Variants in TBX21 observed in about 807,000 individuals in gnomAD.
The protein encoded by TBX21 is T-box transcription factor 21, also known as T-box transcription factor TBX21.
TBX21 carries 11 observed loss-of-function variants against 52.2 expected under a neutral mutation model. That is an observed-to-expected ratio of 0.21 (90% CI 0.13 to 0.35). TBX21 has a LOEUF of 0.35. Among genes scored for constraint, TBX21 ranks in the 10% least tolerant of loss-of-function variants. The pLI is 1.00. For missense variants in TBX21, 625 were observed against 755.1 expected (o/e 0.83, Z 2.02); for synonymous variants, 300 against 316.1 (o/e 0.95, Z 0.54).
rs1597986976 is a variant in TBX21, at chr17:47,745,567, G to A, written c.*201G>A. The A allele has an allele frequency of 3.1e-6, 2 of 650,664 alleles. No individual in the cohort carries two copies. The highest frequency in any genetic ancestry group is 3.4e-5 in the Admixed American group (1 of 29,494). The allele number at this position is 650,664 out of a possible 1,614,324, so 40.3% of individuals were successfully genotyped here. A position where few individuals can be genotyped will look rare whatever the true frequency, so the allele number is the denominator to read the frequency against. On this transcript the variant is annotated 3_prime_UTR_variant, in exon 6 of 6. Coordinates refer to ENST00000177694, the MANE Select transcript of TBX21 (RefSeq NM_013351.2). Reference sequence around the variant, plus strand: ...TGGCCCACGATGAAACCTGAGAGGGGTGTCCCCTTGCCCCATCCTCTGCCC... The same window carrying A: ...TGGCCCACGATGAAACCTGAGAGGGATGTCCCCTTGCCCCATCCTCTGCCC...
Position 47,733,266 on chromosome 17 carries a change from G to A in TBX21, c.-189G>A. 4.0e-6 allele frequency: 3 copies of A among 753,158 alleles called. No homozygotes were observed. The highest frequency in any genetic ancestry group is 5.8e-6 in the Non-Finnish European group (3 of 518,550). 46.7% of individuals were successfully genotyped at this position (753,158 alleles called of 1,614,324 possible). A position where few individuals can be genotyped will look rare whatever the true frequency, so the allele number is the denominator to read the frequency against. On this transcript the variant is annotated 5_prime_UTR_variant, in exon 1 of 6. Transcript: ENST00000177694. The surrounding 1 kb of genome is among the most constrained non-coding windows in gnomAD (Gnocchi z 6.6). ...CAGCGGCCCGCTGGAGAGGAAGCCCGAGAGCTGCCGCGCGCCTGCCGGACG... is the reference window on the plus strand; with the variant it reads ...CAGCGGCCCGCTGGAGAGGAAGCCCAAGAGCTGCCGCGCGCCTGCCGGACG...
In TBX21 at chr17:47,740,320, G is replaced by A. The variant is rs189939615; in HGVS notation, c.492-2290G>A. Among the ~76,000 whole-genome samples, 7 of 152,070 alleles carry A rather than the reference G, an allele frequency of 4.6e-5. No homozygotes were observed. The South Asian group carries it at 6.2e-4, about 14-fold the overall frequency. ...TGAGCTCAGGAAATCCACCCTCCTC[G>A]GCCTCACAAAGTGCTGGGATTACGA... is the stretch of plus-strand genomic sequence containing the variant. On this transcript the variant is annotated intron_variant, in intron 1 of 5. Transcript: ENST00000177694.
intron 1 of TBX21, among the ~76,000 whole-genome samples, chr17:47,734,571 G>A (rs905344212): frequency 7.3e-5 from 9 of 122,462 alleles, no homozygotes; most frequent in Non-Finnish European, 1.4e-4. Context: ...GTGTGTGTGT[G>A]TGTGTGTGTG....
Position 47,744,860 on chromosome 17 carries a change from C to G in TBX21, c.1102C>G (p.Arg368Gly). The G allele has an allele frequency of 6.2e-7, 1 of 1,614,238 alleles. No homozygotes were observed. The highest frequency in any genetic ancestry group is 8.5e-7 in the Non-Finnish European group (1 of 1,180,038). Residue 368 changes from arginine (R) to glycine (G), a missense_variant, in exon 6 of 6, where the codon CGC becomes GGC. By Grantham distance (125) the Arg-to-Gly change is moderately radical. This residue lies in a region of TBX21 where 261 missense variants were observed against 275.1 expected (regional missense o/e 0.95). Transcript: ENST00000177694. ...LLPNQYPVPS[R>G]FYPDLPGQAK... ...ACCCAACCAGTATCCTGTTCCCAGC[C>G]GCTTCTACCCCGACCTTCCTGGCCA...
intron 1 of TBX21, among the ~76,000 whole-genome samples, chr17:47,741,294 G>A (rs2032264611): frequency 6.6e-6 from 1 of 152,030 alleles, no homozygotes; most frequent in Non-Finnish European, 1.5e-5. Flanking sequence ...TGATGGTGGT[G>A]ATGGGTGGTT....
chr17:47,734,070 G>A (rs987839236), intron 1 of TBX21, 125 bp downstream of exon 1: 4 of 1,487,414 alleles, frequency 2.7e-6, no homozygotes, highest in Non-Finnish European at 3.7e-6. Context: ...TTCAGCGTAG[G>A]GAGACAGGGG....
rs186948107 is a variant in TBX21 at position 47,742,377 on chromosome 17, G to A, written c.492-233G>A. On this transcript the variant is annotated intron_variant, in intron 1 of 5. Transcript: ENST00000177694. The surrounding 1 kb of genome is among the most constrained non-coding windows in gnomAD (Gnocchi z 4.4). ...GATTACAGGCATGAGCCACTGTGCC[G>A]GGCCTACTTTGACTGTTAATATGTC... 2.6e-5 allele frequency among the ~76,000 whole-genome samples: 4 copies of A among 152,192 alleles called. No individual in the cohort carries two copies. Among genetic ancestry groups the A allele is most frequent in the East Asian group, 1.9e-4 (1 of 5,176 alleles).
At chr17:47,740,169 G>A (rs1007404109) in intron 1 of TBX21, among the ~76,000 whole-genome samples, 1 of 151,842 alleles carries the variant, frequency 6.6e-6, no homozygotes, top group East Asian at 2.0e-4. Context: ...AGGTTCAAGC[G>A]ATTCTCCTTG....
chr17:47,742,909 CT>C lies in TBX21; in HGVS notation c.646+147del. 1 of 1,487,916 alleles carries C rather than the reference CT, an allele frequency of 6.7e-7. No homozygotes were observed. The highest frequency in any genetic ancestry group is 9.0e-7 in the Non-Finnish European group (1 of 1,116,534). The allele number at this position is 1,487,916 out of a possible 1,614,324, so 92.2% of individuals were successfully genotyped here. A position where few individuals can be genotyped will look rare whatever the true frequency, so the allele number is the denominator to read the frequency against. On this transcript the variant is annotated intron_variant, in intron 2 of 5. Transcript: ENST00000177694. The surrounding 1 kb of genome is among the most constrained non-coding windows in gnomAD (Gnocchi z 4.4). The stretch of plus-strand genomic sequence containing the variant: ...GCCATTGCATCCCTCCTGTTTCTGG[CT>C]TCCTGCTTTGCTCTAGCCTGTCCTC...
Position 47,745,517 on chromosome 17 carries a change from A to G in TBX21, c.*151A>G, listed in dbSNP as rs375090905. 197 of 1,150,478 alleles carry G rather than the reference A, an allele frequency of 1.7e-4. 1 individual carries two copies. In the African/African-American group the frequency reaches 2.9e-3, roughly 17 times the overall value. 71.3% of individuals were successfully genotyped at this position (1,150,478 alleles called of 1,614,324 possible). On this transcript the variant is annotated 3_prime_UTR_variant, in exon 6 of 6. Transcript: ENST00000177694. ...GTTGGGGAAGTGGGGCTCAAGAAGG[A>G]TTTTGGGGTTCACCAGATGCTTCCT...
At chr17:47,739,930 A>T (rs1567920435) in intron 1 of TBX21, among the ~76,000 whole-genome samples, 1 of 151,978 alleles carries the variant, frequency 6.6e-6, no homozygotes, top group Non-Finnish European at 1.5e-5. Flanking sequence ...AAAAATGAAT[A>T]TGAAGAAATG....
chr17:47,744,942 A>G lies in TBX21; in HGVS notation c.1184A>G (p.Tyr395Cys), dbSNP rs140598127. 1,081 of 1,614,074 alleles carry G rather than the reference A, an allele frequency of 6.7e-4. 5 individuals carry two copies. Among genetic ancestry groups the G allele is most frequent in the Middle Eastern group, 1.8e-3 (11 of 6,062 alleles). The change falls in exon 6 of 6, where the codon TAT (tyrosine) becomes TGT (cysteine). Residue 395 changes from tyrosine (Y) to cysteine (C), a missense_variant. Physicochemically the swap from Tyr to Cys is radical, Grantham distance 194. Around this residue, in one of 4 missense-constraint regions of TBX21, gnomAD observed 261 missense variants for 275.1 expected, o/e 0.95. Transcript: ENST00000177694. ...CTGGGGGCCCCCCGGGACCACAGCT[A>G]TGAGGCTGAGTTTCGAGCAGTCAGC... ...YWLGAPRDHS[Y>C]EAEFRAVSMK...
At position 47,733,727 on chromosome 17, in the gene TBX21, G is replaced by GTCCT; in HGVS notation, c.277_280dup (p.Pro94LeufsTer31). On this transcript the variant is annotated frameshift_variant, in exon 1 of 6. Transcript: ENST00000177694. LOFTEE classifies it high-confidence loss of function. The surrounding 1 kb of genome is among the most constrained non-coding windows in gnomAD (Gnocchi z 6.6). ...CGGCCGGCTTCCCCGGCGCGGGCGA[G>GTCCT]TCCTTCCCGCCGCCCGCGGACGCCG... The GTCCT allele has an allele frequency of 6.9e-7, 1 of 1,439,152 alleles. No individual in the cohort carries two copies. The highest frequency in any genetic ancestry group is 9.1e-7 in the Non-Finnish European group (1 of 1,099,748). 89.1% of individuals were successfully genotyped at this position (1,439,152 alleles called of 1,614,324 possible).
At position 47,741,912 on chromosome 17, in the gene TBX21, C is replaced by T. The variant is rs546379303; in HGVS notation, c.492-698C>T. Among the ~76,000 whole-genome samples, 6 of 152,250 alleles carry T rather than the reference C, an allele frequency of 3.9e-5. No individual in the cohort carries two copies. The South Asian group carries it at 6.2e-4, about 16-fold the overall frequency. ...TCCTGCTATGGATGATTTCAAGCGA[C>T]TCATGTGAGTCATTGAACACAGAGC... On this transcript the variant is annotated intron_variant, in intron 1 of 5. Transcript: ENST00000177694.
intron 1 of TBX21, among the ~76,000 whole-genome samples, chr17:47,740,194 G>A (rs1170682466): frequency 6.6e-6 from 1 of 151,894 alleles, no homozygotes; most frequent in Non-Finnish European, 1.5e-5. Flanking sequence ...AGCCTCCAAA[G>A]TAGCTGGGAC....
intron 1 of TBX21, among the ~76,000 whole-genome samples, chr17:47,734,984 C>T (rs1567919087): frequency 2.0e-5 from 3 of 152,024 alleles, no homozygotes; most frequent in African/African-American, 2.4e-5. Flanking sequence ...TAGTAAGCAA[C>T]CCCCGGAGTG....
intron 3 of TBX21, among the ~76,000 whole-genome samples, chr17:47,743,879 C>CAAAAAAAAAA (rs772309900): frequency 1.6e-5 from 1 of 62,126 alleles, no homozygotes. Flanking sequence ...GACTCCGTCT[C>CAAAAAAAAAA]AAAAAAAAAA....
At position 47,733,285 on chromosome 17, in the gene TBX21, C is replaced by G; in HGVS notation, c.-170C>G. On this transcript the variant is annotated 5_prime_UTR_variant, in exon 1 of 6. Coordinates refer to ENST00000177694, the MANE Select transcript of TBX21 (RefSeq NM_013351.2). This position sits in a 1 kb window ranked among gnomAD's most constrained non-coding sequence, Gnocchi z 6.6. ...AAGCCCGAGAGCTGCCGCGCGCCTG[C>G]CGGACGAGGGCGTAGAAGCCAGGCG... The G allele has an allele frequency of 1.1e-6, 1 of 937,400 alleles. No individual in the cohort carries two copies. The highest frequency in any genetic ancestry group is 1.5e-6 in the Non-Finnish European group (1 of 688,020). The allele number at this position is 937,400 out of a possible 1,614,324, so 58.1% of individuals were successfully genotyped here.
rs570977700 is a variant in TBX21 at position 47,736,905 on chromosome 17, C to T, written c.491+2960C>T. 5.3e-5 allele frequency among the ~76,000 whole-genome samples: 8 copies of T among 152,298 alleles called. No individual in the cohort carries two copies. The East Asian group carries it at 7.7e-4, about 15-fold the overall frequency. ...GGCCCACCTACAGCCTACAGCCCCA[C>T]GGCTTTTTGCCTTGAGCTGACTCAC... On this transcript the variant is annotated intron_variant, in intron 1 of 5. Transcript: ENST00000177694.
Sources: gnomAD v4.1 joint callset for allele counts (sites outside exome capture counted in the v4.1 genomes callset) on GRCh38, gnomAD v4.1.1 for gene constraint, gnomAD v4.1.1 regional missense constraint, Gnocchi (gnomAD v3.1) non-coding constraint, MANE v1.5 for transcripts, NCBI Gene and HGNC (gene_info 2026-07-23, HGNC 2026-07-21) for gene names.